KCNB2: variants seen among roughly 807,000 people sequenced by gnomAD.
The protein encoded by KCNB2 is delayed rectifier potassium channel protein.
Under a neutral mutation model 61.5 loss-of-function variants are expected in KCNB2, and 15 were observed. The observed-to-expected ratio is 0.24, with a 90% confidence interval of 0.16 to 0.38. The LOEUF (loss-of-function observed/expected upper bound fraction) is 0.38, where lower values mean the gene tolerates loss of function less well. Ranked by LOEUF, KCNB2 falls within the 10% of genes least tolerant of loss-of-function variation. KCNB2 has a pLI of 1.00. For synonymous variants in KCNB2, 457 were observed against 446.0 expected, an observed-to-expected ratio of 1.02 and a Z score of -0.31; for missense variants, 828 against 1,125.2, an observed-to-expected ratio of 0.74 and a Z score of 3.78.
chr8:72,540,573 A>G (rs1285846923), intron 1 of KCNB2, among the ~76,000 whole-genome samples: 2 of 152,016 alleles, frequency 1.3e-5, no homozygotes, highest in Non-Finnish European at 2.9e-5. Context: ...GATAGAATAA[A>G]CTTTATAGAG....
intron 2 of KCNB2, among the ~76,000 whole-genome samples, chr8:72,683,181 G>A (rs1806791276): frequency 6.6e-6 from 1 of 152,184 alleles, no homozygotes; most frequent in South Asian, 2.1e-4. Context: ...CAGCAGGGAT[G>A]TAAAAGACAC....
intron 2 of KCNB2, chr8:72,874,813 G>T (rs1805677292): frequency 6.6e-6 from 1 of 152,260 alleles, no homozygotes; most frequent in African/African-American, 2.4e-5. Context: ...TGGCACTTGA[G>T]AGCTTAATTT....
intron 2 of KCNB2, among the ~76,000 whole-genome samples, chr8:72,599,535 A>G (rs1222104890): frequency 6.6e-6 from 1 of 152,216 alleles, no homozygotes; most frequent in African/African-American, 2.4e-5. Flanking sequence ...GGACATAGGC[A>G]TGGGCAAGGA....
chr8:72,728,096 T>G (rs953436787), intron 2 of KCNB2, among the ~76,000 whole-genome samples: 2 of 152,202 alleles, frequency 1.3e-5, no homozygotes, highest in African/African-American at 4.8e-5. Context: ...GTTGCAGTTA[T>G]GAAACCTTGC....
chr8:72,548,126 A>C (rs1392587077), intron 1 of KCNB2, among the ~76,000 whole-genome samples: 1 of 152,212 alleles, frequency 6.6e-6, no homozygotes, highest in East Asian at 1.9e-4. Context: ...GAACATTTTT[A>C]ATCGAAATAA....
intron 2 of KCNB2, among the ~76,000 whole-genome samples, chr8:72,583,710 G>A (rs899734007): frequency 6.6e-6 from 1 of 152,034 alleles, no homozygotes; most frequent in Non-Finnish European, 1.5e-5. Flanking sequence ...GATGAACCCA[G>A]AGACTTTTGT....
Position 72,911,237 on chromosome 8 carries a change from G to A in KCNB2, c.580-24698G>A, listed in dbSNP as rs567728098. On this transcript the variant is annotated intron_variant, in intron 2 of 2. Transcript: ENST00000523207. ...TCTTCTCAATGACTTTTGTGGATTT[G>A]AAAGCAGCCTTGCCTTCCCTTCACT... 4.6e-5 allele frequency among the ~76,000 whole-genome samples: 7 copies of A among 152,272 alleles called. No homozygotes were observed. In the East Asian group the frequency reaches 1.4e-3, roughly 29 times the overall value.
rs1189411734 is a variant in KCNB2 at position 72,561,744 on chromosome 8, T to C, written c.-93-5898T>C. ...ATATATATATCTATATCTATATATA[T>C]ATGTATATATATATATGGATATATA... On this transcript the variant is annotated intron_variant, in intron 1 of 2. Coordinates refer to ENST00000523207, the MANE Select transcript of KCNB2 (RefSeq NM_004770.3). Among the ~76,000 whole-genome samples, 16 of 27,402 alleles carry C rather than the reference T, an allele frequency of 5.8e-4. 2 individuals carry two copies. Among genetic ancestry groups the C allele is most frequent in the East Asian group, 5.3e-3 (3 of 566 alleles). 18.0% of individuals were successfully genotyped at this position (27,402 alleles called of 152,430 possible). A position where few individuals can be genotyped will look rare whatever the true frequency, so the allele number is the denominator to read the frequency against.
In KCNB2 at chr8:72,720,743, G is replaced by T. The variant is rs146165192; in HGVS notation, c.579+152430G>T. 1.6e-3 allele frequency among the ~76,000 whole-genome samples: 240 copies of T among 152,244 alleles called. 2 individuals are homozygous for T. The highest frequency in any genetic ancestry group is 5.5e-3 in the African/African-American group (228 of 41,528). On this transcript the variant is annotated intron_variant, in intron 2 of 2. Transcript: ENST00000523207. Reference sequence around the variant, plus strand: ...GAGTGAATGAACATAATGAACATAGGTTGGGTTTTGTCATTTGACAGACAT... The same window carrying T: ...GAGTGAATGAACATAATGAACATAGTTTGGGTTTTGTCATTTGACAGACAT...
At chr8:72,601,610 T>G (rs1430788995) in intron 2 of KCNB2, among the ~76,000 whole-genome samples, 1 of 152,226 alleles carries the variant, frequency 6.6e-6, no homozygotes, top group Non-Finnish European at 1.5e-5. Context: ...GTGGGACTCA[T>G]TACAACTTGA....
rs535307340 is a variant in KCNB2 at position 72,882,492 on chromosome 8, A to G, written c.580-53443A>G. Among the ~76,000 whole-genome samples, 6 of 145,784 alleles carry G rather than the reference A, an allele frequency of 4.1e-5. No individual in the cohort carries two copies. The East Asian group carries it at 1.2e-3, about 29-fold the overall frequency. The stretch of plus-strand genomic sequence containing the variant: ...AGCTGACATGTCAGGTCTGTGCTTT[A>G]TTTTTGACCATGCCAACTGCTGACA... On this transcript the variant is annotated intron_variant, in intron 2 of 2. Coordinates refer to ENST00000523207, the MANE Select transcript of KCNB2 (RefSeq NM_004770.3).
chr8:72,687,016 T>A (rs1806864302), intron 2 of KCNB2, among the ~76,000 whole-genome samples: 1 of 152,188 alleles, frequency 6.6e-6, no homozygotes, highest in Non-Finnish European at 1.5e-5. Flanking sequence ...ATAGCATCAG[T>A]TACCTAGGGA....
At chr8:72,843,119 G>A (rs1219106114) in intron 2 of KCNB2, among the ~76,000 whole-genome samples, 2 of 152,074 alleles carry the variant, frequency 1.3e-5, no homozygotes, top group East Asian at 3.8e-4. Context: ...GTGTCCCAGA[G>A]ATTCCAGTAC....
chr8:72,548,217 G>C (rs1348938155), intron 1 of KCNB2, among the ~76,000 whole-genome samples: 2 of 152,116 alleles, frequency 1.3e-5, no homozygotes, highest in East Asian at 3.8e-4. Context: ...GCCTTATTGA[G>C]GTATTTGCTT....
At chr8:72,703,956 T>C (rs896995299) in intron 2 of KCNB2, among the ~76,000 whole-genome samples, 3 of 152,204 alleles carry the variant, frequency 2.0e-5, no homozygotes, top group Non-Finnish European at 4.4e-5. Context: ...TGCTTAAAAA[T>C]GTAAACATAG....
chr8:72,725,075 T>TAA (rs201484622), intron 2 of KCNB2, among the ~76,000 whole-genome samples: 3,705 of 152,128 alleles, frequency 0.024, 64 homozygotes, highest in South Asian at 0.074. Flanking sequence ...CTTCTCCATT[T>TAA]AAAAAAATAT....
chr8:72,736,161 A>G (rs1453931243), intron 2 of KCNB2, among the ~76,000 whole-genome samples: 5 of 61,932 alleles, frequency 8.1e-5, no homozygotes, highest in African/African-American at 5.4e-4. Context: ...ATAATTACAC[A>G]ACTTAATGTG....
chr8:72,544,236 T>C (rs1291803332), intron 1 of KCNB2, among the ~76,000 whole-genome samples: 1 of 152,172 alleles, frequency 6.6e-6, no homozygotes, highest in African/African-American at 2.4e-5. Context: ...GGCTGGTGAC[T>C]GAAGGTCAGC....
chr8:72,891,676 C>G (rs1268724915), intron 2 of KCNB2, among the ~76,000 whole-genome samples: 1 of 152,180 alleles, frequency 6.6e-6, no homozygotes, highest in Non-Finnish European at 1.5e-5. Flanking sequence ...TTCATTCACT[C>G]ATAGTTCATA....
Sources: allele counts gnomAD v4.1 joint callset (sites outside exome capture counted in the v4.1 genomes callset), GRCh38; gene constraint gnomAD v4.1.1; transcripts MANE v1.5; gene names NCBI Gene and HGNC (gene_info 2026-07-23, HGNC 2026-07-21).